The following KANSL1 variants were observed in gnomAD, a reference collection of about 807,000 sequenced individuals.
KANSL1 encodes the protein KAT8 regulatory NSL complex subunit 1.
A neutral mutation model predicts 103.6 loss-of-function variants in KANSL1; 22 were observed. The ratio of observed to expected loss-of-function variants is 0.21; its 90% CI spans 0.15 to 0.30. KANSL1 has a LOEUF of 0.30. Ranked by LOEUF, KANSL1 falls within the 10% of genes least tolerant of loss-of-function variation. The probability of loss-of-function intolerance (pLI) is 1.00; values close to 1 mark genes in which losing one functional copy is unlikely to be tolerated. For synonymous variants in KANSL1, 600 were observed against 527.6 expected (o/e 1.14, Z -1.88); for missense variants, 1,337 against 1,399.8 (o/e 0.96, Z 0.72).
intron 2 of KANSL1, among the ~76,000 whole-genome samples, chr17:46,105,761 C>T (rs1356765106): frequency 2.0e-5 from 3 of 152,138 alleles, no homozygotes; most frequent in Non-Finnish European, 4.4e-5. Context: ...GTCCCAGCTA[C>T]TCAGTAGGCT....
At chr17:46,120,386 G>A (rs1463272691) in intron 2 of KANSL1, among the ~76,000 whole-genome samples, 1 of 151,852 alleles carries the variant, frequency 6.6e-6, no homozygotes, top group African/African-American at 2.4e-5. Flanking sequence ...GGACTCTTGT[G>A]TCTTTTAGTC....
chr17:46,106,967 G>A (rs1467925297), intron 2 of KANSL1, among the ~76,000 whole-genome samples: 2 of 152,106 alleles, frequency 1.3e-5, no homozygotes, highest in East Asian at 3.8e-4. Context: ...GGCAATCAAA[G>A]GAAAACTCTG....
At chr17:46,195,898 G>A (rs2696439), upstream of KANSL1, among the ~76,000 whole-genome samples, 21,955 of 152,074 alleles carry the variant, frequency 0.14, 2,138 homozygotes, top group Non-Finnish European at 0.22. Flanking sequence ...TGTCCAAAAG[G>A]CTGATTGAAA....
At chr17:46,038,428 C>A in intron 10 of KANSL1, 110 bp downstream of exon 10, 1 of 1,158,804 alleles carries the variant, frequency 8.6e-7, no homozygotes, top group Non-Finnish European at 1.2e-6. Context: ...AGCTGAGATC[C>A]TATAAATGCC....
intron 1 of KANSL1, among the ~76,000 whole-genome samples, chr17:46,181,902 A>C (rs2046813815): frequency 6.6e-6 from 1 of 151,540 alleles, no homozygotes; most frequent in African/African-American, 2.4e-5. Flanking sequence ...TTTTGTCCCC[A>C]AACTTACTAA....
At chr17:46,164,068 T>C (rs1192353166) in intron 2 of KANSL1, among the ~76,000 whole-genome samples, 1 of 152,278 alleles carries the variant, frequency 6.6e-6, no homozygotes. Context: ...CTTCACTCCC[T>C]TCACTCTTTA....
intron 2 of KANSL1, among the ~76,000 whole-genome samples, chr17:46,132,591 A>G (rs55909047): frequency 0.14 from 21,685 of 152,010 alleles, 2,126 homozygotes; most frequent in Non-Finnish European, 0.22. Context: ...CACTCCAGGT[A>G]ATTGTGATGA....
At chr17:46,050,017 G>A (rs374475395) in intron 7 of KANSL1, 1 of 153,412 alleles carries the variant, frequency 6.5e-6, no homozygotes, top group Admixed American at 6.5e-5. Context: ...CCAGGTTCAA[G>A]CAATTCTCCT....
At chr17:46,177,360 C>T (rs1286816838) in intron 1 of KANSL1, among the ~76,000 whole-genome samples, 1 of 152,182 alleles carries the variant, frequency 6.6e-6, no homozygotes, top group African/African-American at 2.4e-5. Flanking sequence ...TGCCATAAAC[C>T]ACCACCTAAG....
At position 46,065,436 on chromosome 17, in the gene KANSL1, T is replaced by C. The variant is rs552352986; in HGVS notation, c.1848+1101A>G. On this transcript the variant is annotated intron_variant, in intron 6 of 14. Coordinates refer to ENST00000432791, the MANE Select transcript of KANSL1 (RefSeq NM_015443.4). ...CTCGTTGCAGGAAGCCAATAAATAT[T>C]TGTTGAAAGAATGAATGAACAACAA... Among the ~76,000 whole-genome samples the C allele has an allele frequency of 3.1e-4, 47 of 152,340 alleles. 1 individual carries two copies. The highest frequency in any genetic ancestry group is 1.0e-3 in the South Asian group (5 of 4,824).
intron 2 of KANSL1, among the ~76,000 whole-genome samples, chr17:46,155,100 T>G (rs1202247638): frequency 6.6e-6 from 1 of 152,010 alleles, no homozygotes; most frequent in Non-Finnish European, 1.5e-5. Flanking sequence ...GGTAGCATCC[T>G]TTCCCCCTCA....
At chr17:46,092,579 C>A (rs9910016) in intron 3 of KANSL1, among the ~76,000 whole-genome samples, 6,960 of 152,168 alleles carry the variant, frequency 0.046, 449 homozygotes, top group African/African-American at 0.15. Context: ...AAAATGTTTT[C>A]CAAAAACCAA....
upstream of KANSL1, among the ~76,000 whole-genome samples, chr17:46,197,968 A>C (rs918529897): frequency 4.6e-5 from 7 of 152,210 alleles, no homozygotes; most frequent in African/African-American, 1.7e-4. Flanking sequence ...CTTTTTTTGC[A>C]CTTAAGAAAA....
intron 2 of KANSL1, among the ~76,000 whole-genome samples, chr17:46,152,385 A>G (rs183364546): frequency 8.4e-4 from 128 of 152,336 alleles, no homozygotes; most frequent in African/African-American, 2.8e-3. Flanking sequence ...AAAACCTAAA[A>G]CTATCAAGAA....
At chr17:46,189,973 G>T (rs924841219) in intron 1 of KANSL1, among the ~76,000 whole-genome samples, 4 of 151,656 alleles carry the variant, frequency 2.6e-5, no homozygotes, top group Non-Finnish European at 5.9e-5. Flanking sequence ...TCGCAAAGGG[G>T]CCTAATCAGA....
intron 2 of KANSL1, among the ~76,000 whole-genome samples, chr17:46,168,594 G>A (rs540577108): frequency 6.6e-5 from 10 of 152,260 alleles, no homozygotes; most frequent in South Asian, 2.1e-4. Flanking sequence ...TGATCCGCCC[G>A]CCTCAGCCTC....
At chr17:46,208,396 G>C (rs2048043331) in intron 1 of KANSL1, among the ~76,000 whole-genome samples, 1 of 152,068 alleles carries the variant, frequency 6.6e-6, no homozygotes, top group Non-Finnish European at 1.5e-5. Flanking sequence ...AGCATCGCTT[G>C]AGCTCAGGAA....
chr17:46,058,727 ACACACACACACACACACTCTCT>A (rs1294607896), intron 6 of KANSL1, among the ~76,000 whole-genome samples: 5 of 72,768 alleles, frequency 6.9e-5, no homozygotes, highest in African/African-American at 2.8e-4. Flanking sequence ...ACACACACAC[ACACACACACACACACACTCTCT>A]CTCTCTCTCT....
intron 2 of KANSL1, among the ~76,000 whole-genome samples, chr17:46,111,989 C>A (rs2042829809): frequency 6.6e-6 from 1 of 152,220 alleles, no homozygotes; most frequent in African/African-American, 2.4e-5. Context: ...TGTTTACTAT[C>A]AAGGTAACTG....
Sources: gnomAD v4.1 joint callset for allele counts (sites outside exome capture counted in the v4.1 genomes callset) on GRCh38, gnomAD v4.1.1 for gene constraint, MANE v1.5 for transcripts, NCBI Gene and HGNC (gene_info 2026-07-23, HGNC 2026-07-21) for gene names.